Variants in SH3RF3 observed in about 807,000 individuals in gnomAD.
SH3RF3 encodes the protein E3 ubiquitin-protein ligase SH3RF3.
Under a neutral mutation model 66.3 loss-of-function variants are expected in SH3RF3, and 29 were observed. The observed-to-expected ratio is 0.44, with a 90% confidence interval of 0.33 to 0.60. The LOEUF is 0.60. Among genes scored for constraint, SH3RF3 ranks in the 20% least tolerant of loss-of-function variants. The pLI, the probability that SH3RF3 is intolerant of heterozygous loss-of-function variation, is 0.04. For missense variants in SH3RF3, 1,194 were observed against 1,190.9 expected (o/e 1.00, Z -0.04); for synonymous variants, 583 against 532.0 (o/e 1.10, Z -1.32).
intron 1 of SH3RF3, among the ~76,000 whole-genome samples, chr2:109,297,525 C>T (rs1484219908): frequency 1.3e-5 from 2 of 151,802 alleles, no homozygotes; most frequent in Non-Finnish European, 2.9e-5. Flanking sequence ...GTCAGTGCCT[C>T]CCACCCAGGC....
chr2:109,304,113 AG>A (rs112098495), intron 1 of SH3RF3, among the ~76,000 whole-genome samples: 2,012 of 150,534 alleles, frequency 0.013, 52 homozygotes, highest in African/African-American at 0.046. Context: ...AAAAAAAAAA[AG>A]AAAGATCTAC....
chr2:109,163,390 CTTTTTTTTTTTTTT>C lies in SH3RF3; in HGVS notation c.573+33290_573+33303del, dbSNP rs70956302. 1.6e-4 allele frequency among the ~76,000 whole-genome samples: 11 copies of C among 70,266 alleles called. No individual in the cohort carries two copies. The East Asian group carries it at 2.5e-3, about 16-fold the overall frequency. The allele number at this position is 70,266 out of a possible 152,430, so 46.1% of individuals were successfully genotyped here. On this transcript the variant is annotated intron_variant, in intron 1 of 9. Coordinates refer to ENST00000309415, the MANE Select transcript of SH3RF3 (RefSeq NM_001099289.3). Reference sequence around the variant, plus strand: ...AATAGATTAACCAAGAGCAAATATTCTTTTTTTTTTTTTTTTTTTTTTTTTTGAGACGGAGTCTC... The same window carrying C: ...AATAGATTAACCAAGAGCAAATATTCTTTTTTTTTTTTGAGACGGAGTCTC...
In SH3RF3 at chr2:109,347,828, T is replaced by G. The variant is rs1682750172; in HGVS notation, c.728T>G (p.Leu243Arg). 1.2e-6 allele frequency: 2 copies of G among 1,613,928 alleles called. No individual in the cohort carries two copies. The highest frequency in any genetic ancestry group is 2.2e-5 in the South Asian group (2 of 91,070). Residue 243 changes from leucine (L) to arginine (R), a missense_variant, in exon 2 of 10, where the codon CTC becomes CGC. Physicochemically the swap from Leu to Arg is moderately radical, Grantham distance 102. Coordinates refer to ENST00000309415, the MANE Select transcript of SH3RF3 (RefSeq NM_001099289.3). Reference sequence around the variant, plus strand: ...GAGCTGCACGGCACACAGGGCTTCCTCCCAGCCAGCTATATCCAGTGCATC... The same window carrying G: ...GAGCTGCACGGCACACAGGGCTTCCGCCCAGCCAGCTATATCCAGTGCATC... ...HGELHGTQGF[L>R]PASYIQCIQP...
At chr2:109,327,307 C>T (rs750361394) in intron 1 of SH3RF3, among the ~76,000 whole-genome samples, 3 of 152,172 alleles carry the variant, frequency 2.0e-5, no homozygotes, top group Non-Finnish European at 4.4e-5. Flanking sequence ...CCAGCCTTTC[C>T]CTGCCGCTGG....
At chr2:109,231,229 G>T (rs190011712) in intron 1 of SH3RF3, among the ~76,000 whole-genome samples, 2 of 152,362 alleles carry the variant, frequency 1.3e-5, no homozygotes, top group South Asian at 2.1e-4. Flanking sequence ...TCATCCAGGG[G>T]CTGTTTCCTG....
chr2:109,392,573 A>G (rs1289372275), intron 3 of SH3RF3, among the ~76,000 whole-genome samples: 1 of 151,554 alleles, frequency 6.6e-6, no homozygotes, highest in Non-Finnish European at 1.5e-5. Flanking sequence ...CAGTGGCGTG[A>G]TCTTGGCTCA....
intron 1 of SH3RF3, among the ~76,000 whole-genome samples, chr2:109,165,044 T>C (rs1267467702): frequency 6.6e-6 from 1 of 152,206 alleles, no homozygotes; most frequent in African/African-American, 2.4e-5. Flanking sequence ...CGGAATCATT[T>C]TCCATCTCTG....
In SH3RF3 at chr2:109,503,765, A is replaced by G. The variant is rs1323677437; in HGVS notation, c.*2094A>G. On this transcript the variant is annotated 3_prime_UTR_variant, in exon 10 of 10. Transcript: ENST00000309415. The stretch of plus-strand genomic sequence containing the variant: ...TTTTAAGGCGCGCAGGTACCAAGCA[A>G]CAGAATAGAGTAACCTGAACGTTCT... 1 of 152,184 alleles carries G rather than the reference A, an allele frequency of 6.6e-6. No homozygotes were observed. Among genetic ancestry groups the G allele is most frequent in the Non-Finnish European group, 1.5e-5 (1 of 68,042 alleles). The allele number at this position is 152,184 out of a possible 1,614,324, so 9.4% of individuals were successfully genotyped here.
intron 1 of SH3RF3, among the ~76,000 whole-genome samples, chr2:109,199,627 T>TCAAC (rs1574499886): frequency 0.021 from 2 of 94 alleles, no homozygotes; most frequent in Admixed American, 0.071. Flanking sequence ...TGGAATGGAA[T>TCAAC]GGAATGGAAT....
At chr2:109,354,106 A>G (rs957820481) in intron 2 of SH3RF3, among the ~76,000 whole-genome samples, 1 of 152,206 alleles carries the variant, frequency 6.6e-6, no homozygotes, top group Non-Finnish European at 1.5e-5. Context: ...TCAGAGGCAC[A>G]GTTTTGGGTT....
intron 7 of SH3RF3, among the ~76,000 whole-genome samples, chr2:109,446,356 G>A (rs954379129): frequency 6.6e-6 from 1 of 152,196 alleles, no homozygotes; most frequent in East Asian, 1.9e-4. Flanking sequence ...GGGCGTTATC[G>A]TGAATTAAGC....
chr2:109,223,830 T>C (rs896816961), intron 1 of SH3RF3, among the ~76,000 whole-genome samples: 1 of 152,188 alleles, frequency 6.6e-6, no homozygotes, highest in African/African-American at 2.4e-5. Context: ...GAAAGTGAAA[T>C]TAAAATCTGT....
rs115013803 is a variant in SH3RF3, at chr2:109,386,258, C to T, written c.946-12332C>T. 2.5e-3 allele frequency among the ~76,000 whole-genome samples: 381 copies of T among 152,296 alleles called. 1 individual carries two copies. The highest frequency in any genetic ancestry group is 0.01 in the Middle Eastern group (3 of 294). On this transcript the variant is annotated intron_variant, in intron 3 of 9. Coordinates refer to ENST00000309415, the MANE Select transcript of SH3RF3 (RefSeq NM_001099289.3). ...CCCAGTCCCTGAGGATGGCCTAGCCCCTGTGGATCTCCCTATCCGTTAGAG... is the reference window on the plus strand; with the variant it reads ...CCCAGTCCCTGAGGATGGCCTAGCCTCTGTGGATCTCCCTATCCGTTAGAG...
chr2:109,375,808 G>T (rs1683368548), intron 3 of SH3RF3, among the ~76,000 whole-genome samples: 2 of 152,272 alleles, frequency 1.3e-5, no homozygotes, highest in African/African-American at 4.8e-5. Context: ...GCCCTCAGCT[G>T]TTGAGAACAG....
intron 7 of SH3RF3, among the ~76,000 whole-genome samples, chr2:109,447,148 A>T (rs1379306395): frequency 7.8e-4 from 65 of 82,886 alleles, no homozygotes; most frequent in Middle Eastern, 5.6e-3. Context: ...CTGAATATTT[A>T]AAAAAAAAAA....
At chr2:109,291,766 A>G (rs926123005) in intron 1 of SH3RF3, among the ~76,000 whole-genome samples, 8 of 152,194 alleles carry the variant, frequency 5.3e-5, no homozygotes, top group Admixed American at 5.2e-4. Flanking sequence ...GAACTTGGTA[A>G]GGTCTCCAGT....
chr2:109,189,367 CT>C (rs5833320), intron 1 of SH3RF3, among the ~76,000 whole-genome samples: 5,765 of 147,968 alleles, frequency 0.039, 158 homozygotes, highest in Non-Finnish European at 0.06. Flanking sequence ...AGTCGTTTGA[CT>C]TTTTTTTTTT....
intron 1 of SH3RF3, among the ~76,000 whole-genome samples, chr2:109,221,501 G>A (rs1679239859): frequency 6.6e-6 from 1 of 150,410 alleles, no homozygotes; most frequent in African/African-American, 2.5e-5. Context: ...AGAATTGCTT[G>A]AACCTGGGAG....
chr2:109,427,064 G>A (rs897786815), intron 5 of SH3RF3, among the ~76,000 whole-genome samples: 51 of 152,062 alleles, frequency 3.4e-4, no homozygotes. Context: ...CGCCTCCTGG[G>A]TTCAAGCGAT....
Sources: gnomAD v4.1 joint callset for allele counts (sites outside exome capture counted in the v4.1 genomes callset) on GRCh38, gnomAD v4.1.1 for gene constraint, MANE v1.5 for transcripts, NCBI Gene and HGNC (gene_info 2026-07-23, HGNC 2026-07-21) for gene names.